LCLAT1: variants seen among roughly 807,000 people sequenced by gnomAD.
The protein encoded by LCLAT1 is lysocardiolipin acyltransferase 1, also known as 1-AGP acyltransferase 8.
A neutral mutation model predicts 30.7 loss-of-function variants in LCLAT1; 11 were observed. That is an observed-to-expected ratio of 0.36 (90% CI 0.23 to 0.59). LCLAT1 has a LOEUF of 0.59. Among genes scored for constraint, LCLAT1 ranks in the 20% least tolerant of loss-of-function variants. The pLI is 0.77. For synonymous variants in LCLAT1, 155 were observed against 151.3 expected (o/e 1.02, Z -0.18); for missense variants, 402 against 458.6 (o/e 0.88, Z 1.13).
chr2:30,571,509 C>A (rs192706005), intron 5 of LCLAT1, among the ~76,000 whole-genome samples: 998 of 152,284 alleles, frequency 6.6e-3, no homozygotes, highest in African/African-American at 0.023. Context: ...GCTTACTGCA[C>A]AACTAGCTAA....
rs1572735278 is a variant in LCLAT1 at position 30,641,179 on chromosome 2, T to C, written c.*560T>C. ...ATCAAGCATTTTGACAGGAAGCCCTTCATTATTCATAACATTGTATGCTGA... is the reference window on the plus strand; with the variant it reads ...ATCAAGCATTTTGACAGGAAGCCCTCCATTATTCATAACATTGTATGCTGA... On this transcript the variant is annotated 3_prime_UTR_variant, in exon 6 of 6. Coordinates refer to ENST00000379509, the MANE Select transcript of LCLAT1 (RefSeq NM_001002257.3). The C allele has an allele frequency of 6.5e-6, 1 of 152,696 alleles. No individual in the cohort carries two copies. The highest frequency in any genetic ancestry group is 2.4e-5 in the African/African-American group (1 of 41,436). The allele number at this position is 152,696 out of a possible 1,614,324, so 9.5% of individuals were successfully genotyped here.
intron 5 of LCLAT1, among the ~76,000 whole-genome samples, chr2:30,604,459 A>G (rs1667334010): frequency 6.6e-6 from 1 of 152,146 alleles, no homozygotes. Context: ...ATTCTGTTGT[A>G]CTGCAAATAA....
intron 1 of LCLAT1, among the ~76,000 whole-genome samples, chr2:30,513,885 G>A (rs1685056632): frequency 6.6e-6 from 1 of 152,196 alleles, no homozygotes; most frequent in South Asian, 2.1e-4. Context: ...TGTGTTGATT[G>A]ATGTCTCATG....
At chr2:30,548,785 G>A (rs2148420356) in intron 3 of LCLAT1, among the ~76,000 whole-genome samples, 1 of 152,230 alleles carries the variant, frequency 6.6e-6, no homozygotes, top group East Asian at 1.9e-4. Flanking sequence ...ATATTTTGGG[G>A]TAAAACATTT....
At chr2:30,619,320 A>T (rs897254696) in intron 5 of LCLAT1, among the ~76,000 whole-genome samples, 1 of 152,182 alleles carries the variant, frequency 6.6e-6, no homozygotes, top group African/African-American at 2.4e-5. Flanking sequence ...ACTTCCCCAC[A>T]TGGCTCTAAC....
At chr2:30,492,122 C>T (rs959101478) in intron 1 of LCLAT1, among the ~76,000 whole-genome samples, 2 of 152,002 alleles carry the variant, frequency 1.3e-5, no homozygotes, top group African/African-American at 4.8e-5. Flanking sequence ...TTCTGGCTAC[C>T]CACTAGGTGA....
intron 5 of LCLAT1, among the ~76,000 whole-genome samples, chr2:30,601,010 A>G (rs991454454): frequency 2.2e-4 from 33 of 151,852 alleles, no homozygotes; most frequent in African/African-American, 7.5e-4. Context: ...CTAATCTTAA[A>G]TGCCTGTCTT....
intron 4 of LCLAT1, among the ~76,000 whole-genome samples, chr2:30,565,241 G>A (rs1055001677): frequency 6.6e-6 from 1 of 152,150 alleles, no homozygotes; most frequent in East Asian, 1.9e-4. Context: ...GGGTGGCAGA[G>A]TGGAGATCCC....
At chr2:30,620,967 A>G (rs1279751220) in intron 5 of LCLAT1, among the ~76,000 whole-genome samples, 1 of 152,138 alleles carries the variant, frequency 6.6e-6, no homozygotes, top group Non-Finnish European at 1.5e-5. Context: ...ATATTTCTAT[A>G]TGTAAAGGCT....
chr2:30,456,495 G>T (rs1365649980), intron 1 of LCLAT1, among the ~76,000 whole-genome samples: 1 of 151,638 alleles, frequency 6.6e-6, no homozygotes, highest in Non-Finnish European at 1.5e-5. Context: ...CTGGGAGCCT[G>T]AACAACATTG....
chr2:30,600,002 C>T (rs6739248), intron 5 of LCLAT1, among the ~76,000 whole-genome samples: 19,352 of 152,172 alleles, frequency 0.13, 1,368 homozygotes, highest in South Asian at 0.23. Flanking sequence ...AGTTGTTTCA[C>T]AGTGTCATTG....
chr2:30,573,600 C>T (rs1443191455), intron 5 of LCLAT1, among the ~76,000 whole-genome samples: 1 of 152,124 alleles, frequency 6.6e-6, no homozygotes, highest in African/African-American at 2.4e-5. Context: ...TGTGCTGAGC[C>T]TTCCCCACGG....
chr2:30,460,792 G>T (rs929260789), intron 1 of LCLAT1, among the ~76,000 whole-genome samples: 1 of 152,182 alleles, frequency 6.6e-6, no homozygotes, highest in South Asian at 2.1e-4. Context: ...TGGGGAGGGG[G>T]CAGTGACTAG....
At chr2:30,479,919 A>G (rs1187745294) in intron 1 of LCLAT1, among the ~76,000 whole-genome samples, 1 of 152,214 alleles carries the variant, frequency 6.6e-6, no homozygotes, top group East Asian at 1.9e-4. Flanking sequence ...TAGGTAACTC[A>G]TTGACCTCTT....
intron 5 of LCLAT1, among the ~76,000 whole-genome samples, chr2:30,633,464 G>A (rs946836351): frequency 6.6e-6 from 1 of 152,060 alleles, no homozygotes; most frequent in African/African-American, 2.4e-5. Context: ...CGAGGCGGGC[G>A]GATCACGAGG....
intron 1 of LCLAT1, among the ~76,000 whole-genome samples, chr2:30,520,443 C>T (rs572901808): frequency 2.6e-5 from 4 of 152,184 alleles, no homozygotes; most frequent in African/African-American, 7.2e-5. Context: ...GAAAAGGAAG[C>T]GTAGTGTAAC....
At chr2:30,579,544 A>G (rs1424982208) in intron 5 of LCLAT1, among the ~76,000 whole-genome samples, 1 of 152,114 alleles carries the variant, frequency 6.6e-6, no homozygotes, top group Non-Finnish European at 1.5e-5. Context: ...AGAGTAGAAA[A>G]CAGTTGTGGT....
Position 30,509,621 on chromosome 2 carries a change from G to A in LCLAT1, c.-4-15966G>A, listed in dbSNP as rs568208520. On this transcript the variant is annotated intron_variant, in intron 1 of 5. Transcript: ENST00000379509. ...AGAGTCTCATTGTCTCCCCCAGGCT[G>A]GAGTGCAGTGGCCTGATCACTGCAA... is the stretch of plus-strand genomic sequence containing the variant. Among the ~76,000 whole-genome samples the A allele has an allele frequency of 2.0e-5, 3 of 151,652 alleles. No homozygotes were observed. In the East Asian group the frequency reaches 5.8e-4, roughly 29 times the overall value.
At chr2:30,535,528 G>A (rs1558503616) in intron 3 of LCLAT1, among the ~76,000 whole-genome samples, 1 of 152,166 alleles carries the variant, frequency 6.6e-6, no homozygotes, top group Admixed American at 6.5e-5. Flanking sequence ...AGGCCAGTGA[G>A]GCACTCAGTA....
Sources: gnomAD v4.1 joint callset for allele counts (sites outside exome capture counted in the v4.1 genomes callset) on GRCh38, gnomAD v4.1.1 for gene constraint, MANE v1.5 for transcripts, NCBI Gene and HGNC (gene_info 2026-07-23, HGNC 2026-07-21) for gene names.